The following OR13G1 variants were observed in gnomAD, a reference collection of about 807,000 sequenced individuals.
OR13G1 encodes olfactory receptor 13G1.
For missense variants in OR13G1, 369 were observed against 385.7 expected, an observed-to-expected ratio of 0.96 and a Z score of 0.36; for synonymous variants, 128 against 136.2, an observed-to-expected ratio of 0.94 and a Z score of 0.42.
chr1:247,672,207 T>A lies in OR13G1; in HGVS notation c.835A>T (p.Thr279Ser), dbSNP rs751717934. 4.3e-6 allele frequency: 7 copies of A among 1,613,794 alleles called. No homozygotes were observed. The highest frequency in any genetic ancestry group is 5.1e-6 in the Non-Finnish European group (6 of 1,179,962). Residue 279 changes from threonine to serine, a missense_variant, in exon 2 of 2, where the codon ACT becomes TCT. Transcript: ENST00000642119. Reference sequence around the variant, plus strand: ...TACACCATCGGGTTTAATGTGGGAGTCACAAGAGTATAGAGTGCAGCTACC... The same window carrying A: ...TACACCATCGGGTTTAATGTGGGAGACACAAGAGTATAGAGTGCAGCTACC... ...KVVAALYTLVTPTLNPMVYSF... is the reference protein window; with the variant it reads ...KVVAALYTLVSPTLNPMVYSF...
Position 247,673,207 on chromosome 1 carries a change from A to C in OR13G1, c.-166T>G. On this transcript the variant is annotated 5_prime_UTR_variant, in exon 2 of 2. Coordinates refer to ENST00000642119, the MANE Select transcript of OR13G1 (RefSeq NM_001005487.2). ...GAATTCCCATTTGATGGAGTTCTGT[A>C]TTCCAGGCAATATACTCTGTTTTCC... 1.7e-6 allele frequency: 1 copy of C among 598,352 alleles called. No individual in the cohort carries two copies. The highest frequency in any genetic ancestry group is 2.9e-6 in the Non-Finnish European group (1 of 340,462). The allele number at this position is 598,352 out of a possible 1,614,324, so 37.1% of individuals were successfully genotyped here.
Position 247,672,037 on chromosome 1 carries a change from T to G in OR13G1, c.*81A>C. ...AGGGAAGGGAAAATTGGAGTGGAGG[T>G]AAGTATGAAAAACCAGTAAAATCTG... On this transcript the variant is annotated 3_prime_UTR_variant, in exon 2 of 2. Transcript: ENST00000642119. 8.7e-7 allele frequency: 1 copy of G among 1,155,200 alleles called. No homozygotes were observed. The highest frequency in any genetic ancestry group is 1.2e-6 in the Non-Finnish European group (1 of 814,432). 71.6% of individuals were successfully genotyped at this position (1,155,200 alleles called of 1,614,324 possible). A position where few individuals can be genotyped will look rare whatever the true frequency, so the allele number is the denominator to read the frequency against.
intron 1 of OR13G1, among the ~76,000 whole-genome samples, chr1:247,674,988 T>C (rs1000886917): frequency 2.0e-5 from 3 of 152,308 alleles, no homozygotes; most frequent in African/African-American, 7.2e-5. Flanking sequence ...ATTCTTAAAA[T>C]TTAATTCAAA....
chr1:247,676,578 A>G (rs1186253691), intron 1 of OR13G1, among the ~76,000 whole-genome samples: 2 of 152,208 alleles, frequency 1.3e-5, no homozygotes, highest in African/African-American at 2.4e-5. Flanking sequence ...ATACATTCTC[A>G]GTTATTTCAG....
At position 247,672,156 on chromosome 1, in the gene OR13G1, C is replaced by A. The variant is rs779022080; in HGVS notation, c.886G>T (p.Ala296Ser). Reference sequence around the variant, plus strand: ...AATGCAAACACCTTCCTAATTCCTGCCTGCATCTCCCTATTCTGGAAGCTG... The same window carrying A: ...AATGCAAACACCTTCCTAATTCCTGACTGCATCTCCCTATTCTGGAAGCTG... ...VYSFQNREMQ[A>S]GIRKVFAFLK... is the part of the protein sequence containing the mutation. The change falls in exon 2 of 2, where the codon GCA becomes TCA. Residue 296 changes from alanine (A) to serine (S), a missense_variant. Coordinates refer to ENST00000642119, the MANE Select transcript of OR13G1 (RefSeq NM_001005487.2). 1.9e-6 allele frequency: 3 copies of A among 1,613,696 alleles called. No individual in the cohort carries two copies. The highest frequency in any genetic ancestry group is 1.7e-5 in the Admixed American group (1 of 59,978).
In OR13G1 at chr1:247,671,808, G is replaced by T; in HGVS notation, c.*310C>A. 3.4e-6 allele frequency: 1 copy of T among 292,030 alleles called. No individual in the cohort carries two copies. 18.1% of individuals were successfully genotyped at this position (292,030 alleles called of 1,614,324 possible). On this transcript the variant is annotated 3_prime_UTR_variant, in exon 2 of 2. Transcript: ENST00000642119. ...TTTGTGATATTTGCATGTATGATGTGCACATGCACATATAGGTAAATATTT... is the reference window on the plus strand; with the variant it reads ...TTTGTGATATTTGCATGTATGATGTTCACATGCACATATAGGTAAATATTT...
chr1:247,672,267 G>T lies in OR13G1; in HGVS notation c.775C>A (p.Pro259Thr). The change falls in exon 2 of 2, where the codon CCT (proline) becomes ACT (threonine). Residue 259 changes from proline (P) to threonine (T), a missense_variant. Coordinates refer to ENST00000642119, the MANE Select transcript of OR13G1 (RefSeq NM_001005487.2). ...YSPVIYTYIR[P>T]ASSYTFERDK... is the part of the protein sequence containing the mutation. ...CTTTCAAATGTATAGCTGGAAGCAG[G>T]GCGGATATAGGTGTAGATTACAGGA... 1 of 1,614,090 alleles carries T rather than the reference G, an allele frequency of 6.2e-7. No individual in the cohort carries two copies. The highest frequency in any genetic ancestry group is 1.1e-5 in the South Asian group (1 of 91,072).
At position 247,672,894 on chromosome 1, in the gene OR13G1, T is replaced by C; in HGVS notation, c.148A>G (p.Asn50Asp). 1 of 1,614,034 alleles carries C rather than the reference T, an allele frequency of 6.2e-7. No homozygotes were observed. Among genetic ancestry groups the C allele is most frequent in the Non-Finnish European group, 8.5e-7 (1 of 1,179,988 alleles). ...MLIIIAKIYN[N>D]TLHTPMYVFL... Reference sequence around the variant, plus strand: ...ACATACATGGGCGTATGCAAGGTGTTGTTATAGATTTTGGCAATGATGATG... The same window carrying C: ...ACATACATGGGCGTATGCAAGGTGTCGTTATAGATTTTGGCAATGATGATG... The change falls in exon 2 of 2, where the codon AAC becomes GAC. Residue 50 changes from asparagine (N) to aspartate (D), a missense_variant. Asn to Asp is a conservative substitution (Grantham distance 23, BLOSUM62 1). Transcript: ENST00000642119.
chr1:247,676,158 A>G (rs1202778391), intron 1 of OR13G1, among the ~76,000 whole-genome samples: 1 of 152,152 alleles, frequency 6.6e-6, no homozygotes, highest in African/African-American at 2.4e-5. Context: ...TTAAATGGAG[A>G]TAACAGTAGT....
intron 1 of OR13G1, among the ~76,000 whole-genome samples, chr1:247,677,164 G>A (rs1302674206): frequency 6.6e-6 from 1 of 152,058 alleles, no homozygotes; most frequent in Non-Finnish European, 1.5e-5. Context: ...AATCGCTGGA[G>A]CCTGGGAGGC....
intron 1 of OR13G1, among the ~76,000 whole-genome samples, chr1:247,678,777 C>T (rs1659402791): frequency 6.6e-6 from 1 of 152,046 alleles, no homozygotes; most frequent in Non-Finnish European, 1.5e-5. Context: ...GAGTCAATAC[C>T]TGCATACAAA....
At chr1:247,677,236 C>T (rs1659362689) in intron 1 of OR13G1, among the ~76,000 whole-genome samples, 1 of 152,092 alleles carries the variant, frequency 6.6e-6, no homozygotes, top group African/African-American at 2.4e-5. Context: ...GAGCCAGACC[C>T]TGTCATAATG....
chr1:247,672,971 A>G lies in OR13G1; in HGVS notation c.71T>C (p.Ile24Thr). 3.1e-6 allele frequency: 5 copies of G among 1,613,998 alleles called. No individual in the cohort carries two copies. Among genetic ancestry groups the G allele is most frequent in the East Asian group, 2.2e-5 (1 of 44,874 alleles). ...LTKKPELQGI[I>T]FLFFLIVYLV... The stretch of plus-strand genomic sequence containing the variant: ...ATAGACAATGAGAAAAAAGAGGAAG[A>G]TAATTCCCTGGAGTTCAGGCTTTTT... Residue 24 changes from isoleucine (I) to threonine (T), a missense_variant, in exon 2 of 2, where the codon ATC (isoleucine) becomes ACC (threonine). Physicochemically the swap from Ile to Thr is moderately conservative, Grantham distance 89. Coordinates refer to ENST00000642119, the MANE Select transcript of OR13G1 (RefSeq NM_001005487.2).
intron 1 of OR13G1, among the ~76,000 whole-genome samples, chr1:247,677,007 C>T (rs370928273): frequency 6.6e-5 from 10 of 152,136 alleles, no homozygotes; most frequent in African/African-American, 2.4e-4. Flanking sequence ...CCTGTAGTCC[C>T]AGCACTTTGG....
Position 247,672,431 on chromosome 1 carries a change from G to A in OR13G1, c.611C>T (p.Ala204Val), listed in dbSNP as rs1659227762. Residue 204 changes from alanine to valine, a missense_variant, in exon 2 of 2, where the codon GCC becomes GTC. By Grantham distance (64) the Ala-to-Val change is moderately conservative. Coordinates refer to ENST00000642119, the MANE Select transcript of OR13G1 (RefSeq NM_001005487.2). ...VMVYVADITLAIGDFILTCIS... is the reference protein window; with the variant it reads ...VMVYVADITLVIGDFILTCIS... Reference sequence around the variant, plus strand: ...GCAGGTAAGAATAAAGTCCCCTATGGCCAGGGTAATATCAGCAACATACAC... The same window carrying A: ...GCAGGTAAGAATAAAGTCCCCTATGACCAGGGTAATATCAGCAACATACAC... The A allele has an allele frequency of 6.2e-7, 1 of 1,613,904 alleles. No homozygotes were observed.
Position 247,672,729 on chromosome 1 carries a change from G to T in OR13G1, c.313C>A (p.Leu105Met). The T allele has an allele frequency of 1.2e-6, 2 of 1,614,034 alleles. No homozygotes were observed. Among genetic ancestry groups the T allele is most frequent in the Non-Finnish European group, 1.7e-6 (2 of 1,179,962 alleles). ...MSQLFLFTWS[L>M]GAEMVLFTTM... ...GTGAAGAGAACCATCTCAGCTCCCA[G>T]AGACCATGTGAACAAGAAGAGCTGG... The change falls in exon 2 of 2, where the codon CTG (leucine) becomes ATG (methionine). Residue 105 changes from leucine to methionine, a missense_variant. Coordinates refer to ENST00000642119, the MANE Select transcript of OR13G1 (RefSeq NM_001005487.2).
chr1:247,675,571 C>T (rs927416352), intron 1 of OR13G1, among the ~76,000 whole-genome samples: 2 of 152,018 alleles, frequency 1.3e-5, no homozygotes, highest in East Asian at 1.9e-4. Context: ...GTTCTCACTG[C>T]GGGTTCCTTG....
At position 247,671,905 on chromosome 1, in the gene OR13G1, A is replaced by G. The variant is rs944294912; in HGVS notation, c.*213T>C. 1.3e-5 allele frequency: 7 copies of G among 532,540 alleles called. No homozygotes were observed. The Admixed American group carries it at 2.1e-4, about 16-fold the overall frequency. 33.0% of individuals were successfully genotyped at this position (532,540 alleles called of 1,614,324 possible). Reference sequence around the variant, plus strand: ...AAAATGTTGGAATATATATTATGACATATATTTATGTGAGGGTATTGTGCA... The same window carrying G: ...AAAATGTTGGAATATATATTATGACGTATATTTATGTGAGGGTATTGTGCA... On this transcript the variant is annotated 3_prime_UTR_variant, in exon 2 of 2. Coordinates refer to ENST00000642119, the MANE Select transcript of OR13G1 (RefSeq NM_001005487.2).
chr1:247,677,873 G>GC (rs1422371660), intron 1 of OR13G1, among the ~76,000 whole-genome samples: 19 of 152,316 alleles, frequency 1.2e-4, no homozygotes, highest in Non-Finnish European at 2.1e-4. Context: ...GGGAGGCCAA[G>GC]ACGGGCGCAT....
Sources: allele counts gnomAD v4.1 joint callset (sites outside exome capture counted in the v4.1 genomes callset), GRCh38; gene constraint gnomAD v4.1.1; transcripts MANE v1.5; gene names NCBI Gene and HGNC (gene_info 2026-07-23, HGNC 2026-07-21).